SPINK5: variants seen among roughly 807,000 people sequenced by gnomAD.
SPINK5 encodes the protein serine peptidase inhibitor Kazal type 5.
Under a neutral mutation model 151.8 loss-of-function variants are expected in SPINK5, and 125 were observed. The ratio of observed to expected loss-of-function variants is 0.82; its 90% confidence interval spans 0.71 to 0.96. SPINK5 has a LOEUF of 0.96. Among genes scored for constraint, SPINK5 ranks in the 40% least tolerant of loss-of-function variants. The probability of loss-of-function intolerance (pLI) is 0.00; values close to 1 mark genes in which losing one functional copy is unlikely to be tolerated. For synonymous variants in SPINK5, 374 were observed against 395.3 expected, an observed-to-expected ratio of 0.95 and a Z score of 0.64; for missense variants, 1,194 against 1,291.9, an observed-to-expected ratio of 0.92 and a Z score of 1.16.
intron 5 of SPINK5, among the ~76,000 whole-genome samples, chr5:148,088,065 C>T (rs144331939): frequency 6.3e-4 from 96 of 151,662 alleles, no homozygotes; most frequent in African/African-American, 2.2e-3. Context: ...TAAAGGTCTA[C>T]GAGACTGAAC....
At chr5:148,123,521 G>GTGTGTGTATATA (rs1328976077) in intron 26 of SPINK5, among the ~76,000 whole-genome samples, 64 of 25,012 alleles carry the variant, frequency 2.6e-3, no homozygotes, top group African/African-American at 4.6e-3. Context: ...CAATATATGT[G>GTGTGTGTATATA]TATATATATA....
chr5:148,131,632 G>GA (rs1191388629), intron 31 of SPINK5, among the ~76,000 whole-genome samples: 3 of 151,794 alleles, frequency 2.0e-5, no homozygotes, highest in Non-Finnish European at 2.9e-5. Context: ...AGAAGAGAAA[G>GA]AAAAAAAATA....
At chr5:148,106,013 TACTG>T (rs1436654601) in intron 16 of SPINK5, among the ~76,000 whole-genome samples, 1 of 152,106 alleles carries the variant, frequency 6.6e-6, no homozygotes, top group Admixed American at 6.6e-5. Context: ...TTTGCCTTCT[TACTG>T]ACTCTTTTTT....
chr5:148,116,562 T>C, intron 22 of SPINK5, 96 bp downstream of exon 22: 1 of 1,244,112 alleles, frequency 8.0e-7, no homozygotes, highest in South Asian at 1.2e-5. Flanking sequence ...AAGGCAGTGC[T>C]AAGTCCTTGA....
intron 4 of SPINK5, among the ~76,000 whole-genome samples, chr5:148,074,641 G>A (rs1752833903): frequency 6.6e-6 from 1 of 151,714 alleles, no homozygotes; most frequent in African/African-American, 2.4e-5. Context: ...ATACATGTTA[G>A]AGATAAAAAT....
At chr5:148,122,614 C>A (rs1323162048) in intron 26 of SPINK5, among the ~76,000 whole-genome samples, 1 of 152,032 alleles carries the variant, frequency 6.6e-6, no homozygotes, top group African/African-American at 2.4e-5. Flanking sequence ...TCAATGAACA[C>A]AAAAGGCAGC....
Position 148,131,347 on chromosome 5 carries a change from G to T in SPINK5, c.3053G>T (p.Gly1018Val). 1.2e-6 allele frequency: 2 copies of T among 1,613,916 alleles called. No individual in the cohort carries two copies. The highest frequency in any genetic ancestry group is 1.7e-6 in the Non-Finnish European group (2 of 1,179,830). ...TTAAAGCCTGTCTGTGGTGACGATG[G>T]CCAAACCTACAACAATCCTTGCATG... ...KDLKPVCGDD[G>V]QTYNNPCMLC... Residue 1018 changes from glycine to valine, a missense_variant, in exon 31 of 33, where the codon GGC becomes GTC. By Grantham distance (109) the Gly-to-Val change is moderately radical. Transcript: ENST00000256084.
At chr5:148,132,593 G>A (rs1561709612) in intron 31 of SPINK5, among the ~76,000 whole-genome samples, 1 of 152,066 alleles carries the variant, frequency 6.6e-6, no homozygotes, top group African/African-American at 2.4e-5. Context: ...AGAGAGTCCA[G>A]GTAATTTGTT....
chr5:148,086,278 C>A, intron 4 of SPINK5, 127 bp from the exon 5 acceptor site: 1 of 1,116,322 alleles, frequency 9.0e-7, no homozygotes, highest in Non-Finnish European at 1.3e-6. Flanking sequence ...CTCAATGTAG[C>A]CTTCATGATA....
At chr5:148,073,777 A>G (rs1752802592) in intron 4 of SPINK5, among the ~76,000 whole-genome samples, 1 of 150,580 alleles carries the variant, frequency 6.6e-6, no homozygotes, top group Admixed American at 6.6e-5. Context: ...CAGTCTTAAG[A>G]AATAAAATTA....
rs748427141 is a variant in SPINK5 at position 148,097,968 on chromosome 5, C to T, written c.984C>T (p.Asn328=). ...GTCCAGATGGGAAAATGCATGGCAA[C>T]TTGTGTTCCATGTGTCAAGCCTACT... ...IRGPDGKMHG[N]LCSMCQAYFQ... is the part of the protein sequence containing the mutation. Residue 328 remains asparagine (N), a synonymous_variant, in exon 11 of 33, where the codon AAC becomes AAT. Coordinates refer to ENST00000256084, the MANE Select transcript of SPINK5 (RefSeq NM_006846.4). 33 of 1,612,050 alleles carry T rather than the reference C, an allele frequency of 2.0e-5. No homozygotes were observed. The highest frequency in any genetic ancestry group is 1.7e-4 in the Middle Eastern group (1 of 6,042).
chr5:148,065,709 A>G (rs1407740074), intron 2 of SPINK5, among the ~76,000 whole-genome samples: 1 of 152,230 alleles, frequency 6.6e-6, no homozygotes, highest in African/African-American at 2.4e-5. Context: ...AAGCCATGAT[A>G]CACCACATAG....
At chr5:148,112,238 T>C (rs947469250) in intron 19 of SPINK5, among the ~76,000 whole-genome samples, 2 of 152,178 alleles carry the variant, frequency 1.3e-5, no homozygotes, top group African/African-American at 4.8e-5. Context: ...GCTAATAAAT[T>C]GAAAATGAGT....
rs1465738395 is a variant in SPINK5, at chr5:148,064,240, T to C, written c.55+141T>C. 34 of 862,652 alleles carry C rather than the reference T, an allele frequency of 3.9e-5. No individual in the cohort carries two copies. The East Asian group carries it at 8.2e-4, about 21-fold the overall frequency. 53.4% of individuals were successfully genotyped at this position (862,652 alleles called of 1,614,324 possible). A position where few individuals can be genotyped will look rare whatever the true frequency, so the allele number is the denominator to read the frequency against. Reference sequence around the variant, plus strand: ...AAATGTCTTGCCAGACACAGAGTTCTGAAGATTTATATATGTGGCTTTATA... The same window carrying C: ...AAATGTCTTGCCAGACACAGAGTTCCGAAGATTTATATATGTGGCTTTATA... On this transcript the variant is annotated intron_variant, in intron 1 of 32. Transcript: ENST00000256084.
intron 30 of SPINK5, among the ~76,000 whole-genome samples, chr5:148,129,423 G>A (rs1337296838): frequency 6.6e-6 from 1 of 152,142 alleles, no homozygotes; most frequent in East Asian, 1.9e-4. Flanking sequence ...TGTTAGTAGT[G>A]GTGGAGCTCT....
chr5:148,080,636 GTTAAC>G (rs1042140072), intron 4 of SPINK5, among the ~76,000 whole-genome samples: 3 of 151,170 alleles, frequency 2.0e-5, no homozygotes, highest in Admixed American at 6.6e-5. Flanking sequence ...ATACACAAAA[GTTAAC>G]TTAAATTTTA....
intron 21 of SPINK5, among the ~76,000 whole-genome samples, chr5:148,115,561 G>A (rs967607019): frequency 6.6e-6 from 1 of 152,106 alleles, no homozygotes; most frequent in African/African-American, 2.4e-5. Context: ...GAAGGCGAGT[G>A]GATCAAGGTG....
chr5:148,086,598 TTTCCCTACAG>T, intron 5 of SPINK5, 66 bp downstream of exon 5: 1 of 1,587,026 alleles, frequency 6.3e-7, no homozygotes, highest in East Asian at 2.3e-5. Context: ...ATGACACAAT[TTTCCCTACAG>T]TCTTTAAGCT....
chr5:148,111,063 A>G (rs1753913172), intron 18 of SPINK5, among the ~76,000 whole-genome samples: 1 of 151,862 alleles, frequency 6.6e-6, no homozygotes. Flanking sequence ...GCTAAAAAGG[A>G]TCTCACTGGG....
Sources: gnomAD v4.1 joint callset for allele counts (sites outside exome capture counted in the v4.1 genomes callset) on GRCh38, gnomAD v4.1.1 for gene constraint, MANE v1.5 for transcripts, NCBI Gene and HGNC (gene_info 2026-07-23, HGNC 2026-07-21) for gene names.